Variants in PARD3B observed in about 807,000 individuals in gnomAD.
PARD3B encodes the protein par-3 family cell polarity regulator beta.
In PARD3B, 103 loss-of-function variants were observed where a neutral mutation model predicts 130.2. The observed-to-expected ratio is 0.79, with a 90% confidence interval of 0.67 to 0.93. The LOEUF is 0.93. Among genes scored for constraint, PARD3B ranks in the 40% least tolerant of loss-of-function variants. PARD3B has a pLI of 0.00. For synonymous variants in PARD3B, 583 were observed against 553.2 expected, an observed-to-expected ratio of 1.05 and a Z score of -0.76; for missense variants, 1,609 against 1,499.2, an observed-to-expected ratio of 1.07 and a Z score of -1.21.
intron 21 of PARD3B, among the ~76,000 whole-genome samples, chr2:205,503,801 C>CA (rs1309343555): frequency 6.6e-6 from 1 of 152,068 alleles, no homozygotes; most frequent in Non-Finnish European, 1.5e-5. Context: ...TCTTCCTACC[C>CA]ATGAGCATGG....
chr2:205,221,661 G>C (rs1216655218), intron 15 of PARD3B, among the ~76,000 whole-genome samples: 1 of 151,990 alleles, frequency 6.6e-6, no homozygotes, highest in Admixed American at 6.6e-5. Context: ...TTCATCTGTG[G>C]TTCTTTCTGT....
At chr2:205,257,922 T>C (rs185952147) in intron 16 of PARD3B, among the ~76,000 whole-genome samples, 86 of 152,308 alleles carry the variant, frequency 5.6e-4, no homozygotes, top group Non-Finnish European at 1.0e-3. Context: ...ACCTACACCC[T>C]GGGTGCCTTT....
chr2:205,316,718 G>C (rs959575081), intron 18 of PARD3B, among the ~76,000 whole-genome samples: 1 of 152,000 alleles, frequency 6.6e-6, no homozygotes, highest in Non-Finnish European at 1.5e-5. Flanking sequence ...CTCTACTCCT[G>C]AAAAACCTAC....
intron 2 of PARD3B, among the ~76,000 whole-genome samples, chr2:204,919,554 C>G (rs2047584077): frequency 6.6e-6 from 1 of 152,102 alleles, no homozygotes; most frequent in Non-Finnish European, 1.5e-5. Flanking sequence ...TTGAGATTCA[C>G]CGTTTAGTAT....
At chr2:205,508,162 T>C (rs886513792) in intron 21 of PARD3B, among the ~76,000 whole-genome samples, 4 of 152,238 alleles carry the variant, frequency 2.6e-5, no homozygotes, top group Non-Finnish European at 5.9e-5. Flanking sequence ...TTGCTCTCTT[T>C]CTTTACATAG....
In PARD3B at chr2:205,308,604, C is replaced by CAAAAA. The variant is rs5837965; in HGVS notation, c.2630+6914_2630+6918dup. On this transcript the variant is annotated intron_variant, in intron 18 of 22. Transcript: ENST00000406610. ...CCTGGGTGAGAGCGAGACTCCGTCT[C>CAAAAA]AAAAAAAAAAAAAAACCAAACAACA... 4.7e-3 allele frequency among the ~76,000 whole-genome samples: 532 copies of CAAAAA among 112,732 alleles called. 15 individuals are homozygous for CAAAAA. Among genetic ancestry groups the CAAAAA allele is most frequent in the East Asian group, 7.0e-3 (26 of 3,708 alleles). The allele number at this position is 112,732 out of a possible 152,430, so 74.0% of individuals were successfully genotyped here. A position where few individuals can be genotyped will look rare whatever the true frequency, so the allele number is the denominator to read the frequency against.
chr2:204,824,214 TG>T, intron 2 of PARD3B, among the ~76,000 whole-genome samples: 1 of 152,318 alleles, frequency 6.6e-6, no homozygotes, highest in Non-Finnish European at 1.5e-5. Context: ...TGTTATCCTC[TG>T]GCTTCCAATT....
intron 2 of PARD3B, among the ~76,000 whole-genome samples, chr2:204,721,156 T>C (rs2038978828): frequency 6.6e-6 from 1 of 152,200 alleles, no homozygotes; most frequent in Non-Finnish European, 1.5e-5. Context: ...TGGTTGGTTT[T>C]ATTACCAAAA....
chr2:205,462,261 G>C (rs946109106), intron 20 of PARD3B, among the ~76,000 whole-genome samples: 18 of 152,188 alleles, frequency 1.2e-4, no homozygotes, highest in African/African-American at 4.3e-4. Context: ...TGGATTAAAA[G>C]CCAAATTGCT....
chr2:205,351,423 T>C lies in PARD3B; in HGVS notation c.2631-49590T>C, dbSNP rs2043990090. Among the ~76,000 whole-genome samples the C allele has an allele frequency of 6.6e-6, 1 of 152,134 alleles. No individual in the cohort carries two copies. The highest frequency in any genetic ancestry group is 1.5e-5 in the Non-Finnish European group (1 of 68,030). ...CAAGGATGGTGAGTTTTCAGAAAAC[T>C]GAAAGGTTGCCCTCAAGCTAGGTGC... On this transcript the variant is annotated intron_variant, in intron 18 of 22. Transcript: ENST00000406610. The surrounding 1 kb of genome is among the most constrained non-coding windows in gnomAD (Gnocchi z 4.2).
At chr2:205,103,712 A>T (rs1702992856) in intron 4 of PARD3B, 2 of 985,280 alleles carry the variant, frequency 2.0e-6, no homozygotes, top group South Asian at 9.4e-5. Context: ...GTCTTCTGTA[A>T]GGAAGCAGCA....
chr2:205,358,359 G>C (rs1559698229), intron 18 of PARD3B, among the ~76,000 whole-genome samples: 1 of 152,180 alleles, frequency 6.6e-6, no homozygotes, highest in Non-Finnish European at 1.5e-5. Flanking sequence ...TTTGGGCCTA[G>C]AGACACAAAC....
chr2:205,104,615 G>A (rs1703069406), intron 5 of PARD3B, 101 bp downstream of exon 5: 8 of 821,732 alleles, frequency 9.7e-6, no homozygotes, highest in Middle Eastern at 4.7e-4. Context: ...ATCAGGATAA[G>A]TAGAATCATG....
rs186973799 is a variant in PARD3B, at chr2:205,421,033, C to T, written c.2742-19337C>T. ...GGGCGTGCCCATAGTCCCAGCTACT[C>T]GGGGGGCCAAGGCAGGAGAATCACT... is the stretch of plus-strand genomic sequence containing the variant. On this transcript the variant is annotated intron_variant, in intron 19 of 22. Transcript: ENST00000406610. This position sits in a 1 kb window ranked among gnomAD's most constrained non-coding sequence, Gnocchi z 5.1. Among the ~76,000 whole-genome samples, 4 of 152,042 alleles carry T rather than the reference C, an allele frequency of 2.6e-5. No individual in the cohort carries two copies. The highest frequency in any genetic ancestry group is 4.4e-5 in the Non-Finnish European group (3 of 67,988).
In PARD3B at chr2:204,610,441, G is replaced by A. The variant is rs898525678; in HGVS notation, c.120+64322G>A. Among the ~76,000 whole-genome samples the A allele has an allele frequency of 1.3e-5, 2 of 152,018 alleles. No homozygotes were observed. Among genetic ancestry groups the A allele is most frequent in the Non-Finnish European group, 2.9e-5 (2 of 68,002 alleles). On this transcript the variant is annotated intron_variant, in intron 1 of 22. Transcript: ENST00000406610. The surrounding 1 kb of genome is among the most constrained non-coding windows in gnomAD (Gnocchi z 4.1). Reference sequence around the variant, plus strand: ...CACGGTCTTGGCTTACTGCAACCTCGACCTCCCATGTTAAAGCGATTCTCC... The same window carrying A: ...CACGGTCTTGGCTTACTGCAACCTCAACCTCCCATGTTAAAGCGATTCTCC...
At chr2:205,314,410 T>C (rs921276958) in intron 18 of PARD3B, among the ~76,000 whole-genome samples, 4 of 152,164 alleles carry the variant, frequency 2.6e-5, no homozygotes, top group Admixed American at 1.3e-4. Context: ...CACGCTTCAG[T>C]GTATACTTTC....
At chr2:205,197,845 T>C (rs1348925393) in intron 15 of PARD3B, among the ~76,000 whole-genome samples, 2 of 152,152 alleles carry the variant, frequency 1.3e-5, no homozygotes, top group East Asian at 3.9e-4. Flanking sequence ...TGTTCATAAT[T>C]GAGCTTGTGT....
rs756918225 is a variant in PARD3B at position 205,183,401 on chromosome 2, G to T, written c.1925-2363G>T. Among the ~76,000 whole-genome samples, 5 of 152,094 alleles carry T rather than the reference G, an allele frequency of 3.3e-5. No homozygotes were observed. The highest frequency in any genetic ancestry group is 5.9e-5 in the Non-Finnish European group (4 of 67,986). On this transcript the variant is annotated intron_variant, in intron 13 of 22. Coordinates refer to ENST00000406610, the MANE Select transcript of PARD3B (RefSeq NM_001302769.2). This position sits in a 1 kb window ranked among gnomAD's most constrained non-coding sequence, Gnocchi z 5.2. ...GAAGATGAGAGCCAACAGAAAGGAAGTTGTCCCAGGATGTCCATTGTCCCC... is the reference window on the plus strand; with the variant it reads ...GAAGATGAGAGCCAACAGAAAGGAATTTGTCCCAGGATGTCCATTGTCCCC...
At chr2:205,278,333 A>G (rs2041032833) in intron 16 of PARD3B, among the ~76,000 whole-genome samples, 1 of 152,158 alleles carries the variant, frequency 6.6e-6, no homozygotes, top group African/African-American at 2.4e-5. Context: ...GAGAGACTCA[A>G]GGGATGATTT....
Sources: gnomAD v4.1 joint callset for allele counts (sites outside exome capture counted in the v4.1 genomes callset) on GRCh38, gnomAD v4.1.1 for gene constraint, Gnocchi (gnomAD v3.1) non-coding constraint, MANE v1.5 for transcripts, NCBI Gene and HGNC (gene_info 2026-07-23, HGNC 2026-07-21) for gene names.